VWA8: variants seen among roughly 807,000 people sequenced by gnomAD.
VWA8 encodes the protein von Willebrand factor A domain-containing protein 8.
In VWA8, 221 loss-of-function variants were observed where a neutral mutation model predicts 241.5. That is an observed-to-expected ratio of 0.91 (90% CI 0.82 to 1.02). The LOEUF (loss-of-function observed/expected upper bound fraction) is 1.02. Among genes scored for constraint, VWA8 ranks in the 50% least tolerant of loss-of-function variants. VWA8 has a pLI of 0.00. For synonymous variants in VWA8, 852 were observed against 827.1 expected (o/e 1.03, Z -0.52); for missense variants, 2,322 against 2,328.7 (o/e 1.00, Z 0.06).
At chr13:41,694,441 T>C (rs986190780) in intron 29 of VWA8, among the ~76,000 whole-genome samples, 2 of 152,030 alleles carry the variant, frequency 1.3e-5, no homozygotes, top group African/African-American at 4.8e-5. Flanking sequence ...TAATTCTCCA[T>C]TAAGAATGTG....
intron 12 of VWA8, among the ~76,000 whole-genome samples, chr13:41,864,038 C>A (rs1326839182): frequency 2.0e-5 from 3 of 151,432 alleles, no homozygotes; most frequent in East Asian, 1.9e-4. Context: ...ATACAAATAG[C>A]CAGTAAGTAC....
chr13:41,640,347 TCATA>T (rs1296674773), intron 37 of VWA8, among the ~76,000 whole-genome samples: 1 of 152,184 alleles, frequency 6.6e-6, no homozygotes, highest in African/African-American at 2.4e-5. Flanking sequence ...CCCAAATAGC[TCATA>T]GGCACCTCCT....
chr13:41,714,860 C>T (rs1457765681), intron 26 of VWA8, among the ~76,000 whole-genome samples: 5 of 152,026 alleles, frequency 3.3e-5, no homozygotes, highest in South Asian at 2.1e-4. Context: ...CATGACATCA[C>T]GGTCAATGAT....
intron 2 of VWA8, among the ~76,000 whole-genome samples, chr13:41,920,618 T>C (rs1876476673): frequency 6.6e-6 from 1 of 152,118 alleles, no homozygotes; most frequent in Non-Finnish European, 1.5e-5. Context: ...TTACCACCGA[T>C]CCCACAGAAA....
intron 14 of VWA8, among the ~76,000 whole-genome samples, chr13:41,826,691 G>A (rs1871181553): frequency 6.6e-6 from 1 of 151,946 alleles, no homozygotes; most frequent in African/African-American, 2.4e-5. Context: ...GCAACACAGT[G>A]AGACTGCTCC....
chr13:41,866,960 T>A (rs539853056), intron 10 of VWA8, among the ~76,000 whole-genome samples: 36 of 152,316 alleles, frequency 2.4e-4, no homozygotes, highest in Non-Finnish European at 3.1e-4. Context: ...CAAGGAGCCA[T>A]GTTCTGATGA....
At chr13:41,943,140 C>A (rs139179961) in intron 2 of VWA8, among the ~76,000 whole-genome samples, 1 of 152,100 alleles carries the variant, frequency 6.6e-6, no homozygotes, top group Admixed American at 6.5e-5. Flanking sequence ...AACAAATGGA[C>A]AAGCAAGAGA....
rs1566370810 is a variant in VWA8 at position 41,571,309 on chromosome 13, TC to T, written c.5371-604del. ...TCTCCCTCTCCCGTCTCCCTCTCCC[TC>T]CTCCCTCTCCCTCTCCCGTCTCCCT... On this transcript the variant is annotated intron_variant, in intron 43 of 44. Coordinates refer to ENST00000379310, the MANE Select transcript of VWA8 (RefSeq NM_015058.2). 1.7e-3 allele frequency among the ~76,000 whole-genome samples: 177 copies of T among 102,682 alleles called. 1 individual carries two copies. The highest frequency in any genetic ancestry group is 5.7e-3 in the African/African-American group (142 of 24,738). The allele number at this position is 102,682 out of a possible 152,430, so 67.4% of individuals were successfully genotyped here.
rs912419109 is a variant in VWA8, at chr13:41,945,483, A to T, written c.241+4453T>A. On this transcript the variant is annotated intron_variant, in intron 2 of 44. Coordinates refer to ENST00000379310, the MANE Select transcript of VWA8 (RefSeq NM_015058.2). ...TTTGACTAAGTAGAAAAACACTTTAAATCAGCTACCACAAATACATTCAAA... is the reference window on the plus strand; with the variant it reads ...TTTGACTAAGTAGAAAAACACTTTATATCAGCTACCACAAATACATTCAAA... Among the ~76,000 whole-genome samples the T allele has an allele frequency of 5.3e-5, 8 of 152,326 alleles. 1 individual carries two copies. The highest frequency in any genetic ancestry group is 1.9e-4 in the African/African-American group (8 of 41,572).
intron 21 of VWA8, among the ~76,000 whole-genome samples, chr13:41,739,829 T>G (rs1485722586): frequency 1.3e-4 from 10 of 78,724 alleles, no homozygotes; most frequent in South Asian, 1.2e-3. Context: ...GTTTTTTTGT[T>G]TTTTTTTTTG....
chr13:41,922,908 G>C (rs184271203), intron 2 of VWA8, among the ~76,000 whole-genome samples: 1 of 152,228 alleles, frequency 6.6e-6, no homozygotes, highest in Admixed American at 6.5e-5. Flanking sequence ...CTAGAAATAT[G>C]ATTTGACCCA....
chr13:41,646,260 C>T (rs2044831762), intron 37 of VWA8, among the ~76,000 whole-genome samples: 1 of 152,120 alleles, frequency 6.6e-6, no homozygotes, highest in African/African-American at 2.4e-5. Context: ...GCCACCACGC[C>T]CGGCCAAATT....
At chr13:41,934,453 A>G (rs1877261471) in intron 2 of VWA8, among the ~76,000 whole-genome samples, 2 of 152,012 alleles carry the variant, frequency 1.3e-5, no homozygotes, top group Admixed American at 1.3e-4. Flanking sequence ...GCAGGTATTT[A>G]CACAAGAAAA....
chr13:41,604,154 A>G (rs1262553932), intron 40 of VWA8, among the ~76,000 whole-genome samples: 1 of 152,138 alleles, frequency 6.6e-6, no homozygotes, highest in African/African-American at 2.4e-5. Context: ...CCTGAAGCTC[A>G]GAGCCAACCT....
At chr13:41,776,018 C>T (rs997409494) in intron 20 of VWA8, among the ~76,000 whole-genome samples, 3 of 151,654 alleles carry the variant, frequency 2.0e-5, no homozygotes, top group African/African-American at 7.3e-5. Context: ...GCATCTAACC[C>T]ACCAAACCCT....
In VWA8 at chr13:41,819,366, G is replaced by A. The variant is rs770795153; in HGVS notation, c.1721C>T (p.Pro574Leu). Residue 574 changes from proline (P) to leucine (L), a missense_variant, in exon 15 of 45, where the codon CCC becomes CTC. Pro to Leu is a moderately conservative substitution (Grantham distance 98). Transcript: ENST00000379310. ...TGCCAAGGCAATGATTCTGAAGGAG[G>A]GATGGATAGGAAAAATGGATCTAAA... ...LQKRSIFPIH[P>L]SFRIIALAEP... The A allele has an allele frequency of 4.4e-6, 7 of 1,602,122 alleles. No homozygotes were observed. Among genetic ancestry groups the A allele is most frequent in the Non-Finnish European group, 3.4e-6 (4 of 1,177,204 alleles).
At chr13:41,946,698 A>G (rs1368293113) in intron 2 of VWA8, among the ~76,000 whole-genome samples, 1 of 152,016 alleles carries the variant, frequency 6.6e-6, no homozygotes, top group African/African-American at 2.4e-5. Context: ...GCCAGAGTGG[A>G]AAGGACAGAT....
intron 2 of VWA8, among the ~76,000 whole-genome samples, chr13:41,918,794 C>T (rs113507353): frequency 6.6e-6 from 1 of 151,884 alleles, no homozygotes; most frequent in Admixed American, 6.6e-5. Context: ...ACAGTACATA[C>T]TATTATTTTC....
intron 37 of VWA8, among the ~76,000 whole-genome samples, chr13:41,630,651 C>T (rs2044720379): frequency 2.0e-5 from 3 of 151,970 alleles, no homozygotes. Context: ...TGACCTTCTT[C>T]CGTAAGTGCT....
Sources: gnomAD v4.1 joint callset for allele counts (sites outside exome capture counted in the v4.1 genomes callset) on GRCh38, gnomAD v4.1.1 for gene constraint, MANE v1.5 for transcripts, NCBI Gene and HGNC (gene_info 2026-07-23, HGNC 2026-07-21) for gene names.